The following SLC24A2 variants were observed in gnomAD, a reference collection of about 807,000 sequenced individuals.
SLC24A2 encodes solute carrier family 24 member 2, also known as sodium/potassium/calcium exchanger 2.
In SLC24A2, 36 loss-of-function variants were observed where a neutral mutation model predicts 62.0. The observed-to-expected ratio is 0.58, with a 90% CI of 0.44 to 0.77. SLC24A2 has a LOEUF of 0.77. Among genes scored for constraint, SLC24A2 ranks in the 30% least tolerant of loss-of-function variants. The pLI is 0.00. For missense variants in SLC24A2, 846 were observed against 817.9 expected (o/e 1.03, Z -0.42); for synonymous variants, 358 against 294.0 (o/e 1.22, Z -2.23).
chr9:19,943,732 A>G, the SLC24A2 span, among the ~76,000 whole-genome samples: 1 of 152,206 alleles, frequency 6.6e-6, no homozygotes, highest in Non-Finnish European at 1.5e-5. Flanking sequence ...AGTGTCTCAA[A>G]TAAGAAAGAT....
chr9:19,924,213 A>G, the SLC24A2 span, among the ~76,000 whole-genome samples: 1 of 152,170 alleles, frequency 6.6e-6, no homozygotes, highest in Admixed American at 6.5e-5. Context: ...TTTGCAGAGG[A>G]GTAAGGAAAA....
the SLC24A2 span, among the ~76,000 whole-genome samples, chr9:20,046,598 G>A: frequency 1.3e-5 from 2 of 152,116 alleles, no homozygotes; most frequent in Non-Finnish European, 2.9e-5. Context: ...CAATGTGTTC[G>A]GGGGGCAGTA....
At chr9:19,563,753 T>TCCAC in intron 7 of SLC24A2, among the ~76,000 whole-genome samples, 1 of 115,092 alleles carries the variant, frequency 8.7e-6, no homozygotes, top group Non-Finnish European at 1.7e-5. Context: ...TAATGACCCT[T>TCCAC]CCTTCCTTTC....
chr9:20,230,230 A>G, the SLC24A2 span, among the ~76,000 whole-genome samples: 1 of 152,136 alleles, frequency 6.6e-6, no homozygotes, highest in Non-Finnish European at 1.5e-5. Flanking sequence ...ATGTTTTATA[A>G]TCCTTTGGGT....
intron 2 of SLC24A2, among the ~76,000 whole-genome samples, chr9:19,778,148 GA>G (rs1197583700): frequency 6.6e-6 from 1 of 152,114 alleles, no homozygotes; most frequent in Non-Finnish European, 1.5e-5. Context: ...TCTGGCAATA[GA>G]ATAACAAACC....
At chr9:20,130,895 G>C in the SLC24A2 span, among the ~76,000 whole-genome samples, 2 of 151,958 alleles carry the variant, frequency 1.3e-5, no homozygotes, top group Non-Finnish European at 2.9e-5. Context: ...CTGCTTTTTG[G>C]ACATCACATA....
At chr9:20,111,812 T>C in the SLC24A2 span, among the ~76,000 whole-genome samples, 1 of 152,164 alleles carries the variant, frequency 6.6e-6, no homozygotes, top group African/African-American at 2.4e-5. Context: ...TGGGGGATGC[T>C]TCTCCAGCCC....
chr9:19,571,494 G>C (rs1391743313), intron 7 of SLC24A2, among the ~76,000 whole-genome samples: 1 of 152,042 alleles, frequency 6.6e-6, no homozygotes, highest in Non-Finnish European at 1.5e-5. Context: ...CTCATTGGGG[G>C]AAGTTCTGTC....
rs147285634 is a variant in SLC24A2 at position 19,786,261 on chromosome 9, G to C, written c.606C>G (p.Asn202Lys). 6.2e-7 allele frequency: 1 copy of C among 1,614,110 alleles called. No individual in the cohort carries two copies. The highest frequency in any genetic ancestry group is 8.5e-7 in the Non-Finnish European group (1 of 1,180,028). ...AACCTACAATTGTGCCTATGCCAACGTTGCTGTGAGCGATAAATACCCCTA... is the reference window on the plus strand; with the variant it reads ...AACCTACAATTGTGCCTATGCCAACCTTGCTGTGAGCGATAAATACCCCTA... ...SLIGVFIAHSNVGIGTIVGSA... is the reference protein window; with the variant it reads ...SLIGVFIAHSKVGIGTIVGSA... Residue 202 changes from asparagine (N) to lysine (K), a missense_variant, in exon 2 of 11, where the codon AAC becomes AAG. Physicochemically the swap from Asn to Lys is moderately conservative, Grantham distance 94. Coordinates refer to ENST00000341998, the MANE Select transcript of SLC24A2 (RefSeq NM_020344.4). The surrounding 1 kb of genome is among the most constrained non-coding windows in gnomAD (Gnocchi z 5.0).
At chr9:19,629,514 T>G (rs938839476) in intron 2 of SLC24A2, among the ~76,000 whole-genome samples, 2 of 152,238 alleles carry the variant, frequency 1.3e-5, no homozygotes, top group African/African-American at 2.4e-5. Flanking sequence ...ACTATTGTCA[T>G]GATTTACTAT....
At chr9:19,596,210 G>T (rs1050811714) in intron 5 of SLC24A2, among the ~76,000 whole-genome samples, 4 of 152,162 alleles carry the variant, frequency 2.6e-5, no homozygotes, top group African/African-American at 9.7e-5. Context: ...GAGATCTTTG[G>T]CAAGCTAAGG....
chr9:20,174,638 A>C, the SLC24A2 span, among the ~76,000 whole-genome samples: 11 of 152,138 alleles, frequency 7.2e-5, no homozygotes, highest in Non-Finnish European at 1.3e-4. Flanking sequence ...ATGCAAATGA[A>C]AACCACAATG....
the SLC24A2 span, among the ~76,000 whole-genome samples, chr9:20,248,709 C>T: frequency 6.6e-5 from 10 of 152,174 alleles, no homozygotes; most frequent in Admixed American, 3.3e-4. Flanking sequence ...ATTTCTCCAA[C>T]GCTGCCTCAC....
the SLC24A2 span, among the ~76,000 whole-genome samples, chr9:20,216,348 T>C: frequency 1.3e-5 from 2 of 152,220 alleles, no homozygotes; most frequent in African/African-American, 4.8e-5. Flanking sequence ...TGAGAGGACA[T>C]ACATATTCTC....
chr9:20,224,412 T>A, the SLC24A2 span, among the ~76,000 whole-genome samples: 1 of 151,878 alleles, frequency 6.6e-6, no homozygotes, highest in African/African-American at 2.4e-5. Flanking sequence ...ATCATAACCA[T>A]AAGTTTGGCA....
At chr9:19,951,170 G>A in the SLC24A2 span, among the ~76,000 whole-genome samples, 5 of 151,882 alleles carry the variant, frequency 3.3e-5, no homozygotes, top group Non-Finnish European at 7.4e-5. Context: ...AACTTTTGGG[G>A]AAGTGTCCAA....
the SLC24A2 span, among the ~76,000 whole-genome samples, chr9:19,839,314 A>G: frequency 6.6e-6 from 1 of 152,200 alleles, no homozygotes; most frequent in East Asian, 1.9e-4. Context: ...TAGTTTAACC[A>G]TTGTGGAAGT....
At chr9:19,759,836 T>G (rs1211067812) in intron 2 of SLC24A2, among the ~76,000 whole-genome samples, 1 of 152,162 alleles carries the variant, frequency 6.6e-6, no homozygotes, top group Non-Finnish European at 1.5e-5. Context: ...CCTGAGAAAG[T>G]GAGTGAACCA....
chr9:20,228,059 C>T, the SLC24A2 span, among the ~76,000 whole-genome samples: 18,122 of 152,018 alleles, frequency 0.12, 2,297 homozygotes, highest in East Asian at 0.6. Flanking sequence ...TTCTATTTTT[C>T]CGCAAATCCT....
Sources: allele counts gnomAD v4.1 joint callset (sites outside exome capture counted in the v4.1 genomes callset), GRCh38; gene constraint gnomAD v4.1.1; non-coding constraint Gnocchi (gnomAD v3.1); transcripts MANE v1.5; gene names NCBI Gene and HGNC (gene_info 2026-07-23, HGNC 2026-07-21).